The following ASTN2 variants were observed in gnomAD, a reference collection of about 807,000 sequenced individuals.
ASTN2 encodes astrotactin 2.
A neutral mutation model predicts 139.8 loss-of-function variants in ASTN2; 54 were observed. The observed-to-expected ratio is 0.39, with a 90% CI of 0.31 to 0.48. The LOEUF is 0.48. Ranked by LOEUF, ASTN2 falls within the 20% of genes least tolerant of loss-of-function variation. The probability of loss-of-function intolerance (pLI) is 0.95; values close to 1 mark genes in which losing one functional copy is unlikely to be tolerated. For missense variants in ASTN2, 1,565 were observed against 1,725.1 expected (o/e 0.91, Z 1.64); for synonymous variants, 756 against 719.5 (o/e 1.05, Z -0.81).
At chr9:116,436,494 C>G (rs1039840881) in intron 22 of ASTN2, among the ~76,000 whole-genome samples, 1 of 152,168 alleles carries the variant, frequency 6.6e-6, no homozygotes, top group African/African-American at 2.4e-5. Context: ...GTGAATACGA[C>G]ATAAGGGATC....
intron 2 of ASTN2, among the ~76,000 whole-genome samples, chr9:117,278,478 G>A (rs958954190): frequency 3.3e-5 from 5 of 152,180 alleles, no homozygotes; most frequent in Non-Finnish European, 5.9e-5. Flanking sequence ...CACAAAGGAG[G>A]TGAGCAGAGA....
intron 1 of ASTN2, among the ~76,000 whole-genome samples, chr9:117,306,682 A>G (rs369565868): frequency 1.3e-5 from 2 of 152,200 alleles, no homozygotes; most frequent in Admixed American, 1.3e-4. Flanking sequence ...TCCAGTCTAC[A>G]TGATAAACCT....
chr9:117,337,426 A>G (rs1828922136), intron 1 of ASTN2, among the ~76,000 whole-genome samples: 1 of 152,174 alleles, frequency 6.6e-6, no homozygotes, highest in Non-Finnish European at 1.5e-5. Flanking sequence ...ATTCTTTATT[A>G]TCTACCATAT....
intron 7 of ASTN2, among the ~76,000 whole-genome samples, chr9:116,984,359 G>C (rs1473313254): frequency 6.6e-6 from 1 of 152,210 alleles, no homozygotes; most frequent in Non-Finnish European, 1.5e-5. Flanking sequence ...GTTGCCTTCA[G>C]GGTAGAAGTC....
intron 10 of ASTN2, among the ~76,000 whole-genome samples, chr9:116,964,254 TGTGCGC>T (rs774019735): frequency 7.8e-6 from 1 of 128,952 alleles, no homozygotes; most frequent in Non-Finnish European, 1.6e-5. Context: ...TGTGTGTGTG[TGTGCGC>T]GCGCGCGCGT....
At chr9:117,303,678 C>A (rs963825674) in intron 1 of ASTN2, among the ~76,000 whole-genome samples, 1 of 152,212 alleles carries the variant, frequency 6.6e-6, no homozygotes, top group African/African-American at 2.4e-5. Flanking sequence ...TTTTACCAAC[C>A]TAACTCTTAA....
chr9:116,501,111 T>C (rs1437030553), intron 19 of ASTN2, among the ~76,000 whole-genome samples: 1 of 152,148 alleles, frequency 6.6e-6, no homozygotes, highest in Non-Finnish European at 1.5e-5. Context: ...CTATTTGTCT[T>C]TCTTCTTCTC....
intron 13 of ASTN2, among the ~76,000 whole-genome samples, chr9:116,764,252 G>A (rs866919134): frequency 1.1e-4 from 17 of 152,232 alleles, no homozygotes; most frequent in Middle Eastern, 6.8e-3. Context: ...GGACTGCCTC[G>A]GCCTCACCTA....
intron 17 of ASTN2, among the ~76,000 whole-genome samples, chr9:116,634,651 GC>G (rs1856986192): frequency 1.3e-5 from 2 of 148,780 alleles, no homozygotes; most frequent in South Asian, 2.1e-4. Context: ...TGTTAGACAT[GC>G]TTATTTACAG....
intron 3 of ASTN2, among the ~76,000 whole-genome samples, chr9:117,213,658 A>T (rs1412761026): frequency 6.6e-6 from 1 of 152,234 alleles, no homozygotes; most frequent in Non-Finnish European, 1.5e-5. Flanking sequence ...AAGCTGCATC[A>T]ATAGAAGTAT....
At chr9:116,628,791 G>A (rs1287018583) in intron 17 of ASTN2, among the ~76,000 whole-genome samples, 1 of 152,210 alleles carries the variant, frequency 6.6e-6, no homozygotes, top group Non-Finnish European at 1.5e-5. Flanking sequence ...CTCTGGTGGA[G>A]ATGTTAATAG....
At chr9:117,234,776 C>T (rs71507509) in intron 2 of ASTN2, among the ~76,000 whole-genome samples, 102 of 152,192 alleles carry the variant, frequency 6.7e-4, no homozygotes, top group Non-Finnish European at 1.2e-3. Context: ...AGGTCAGGCA[C>T]GATTAGTGGC....
intron 1 of ASTN2, among the ~76,000 whole-genome samples, chr9:117,301,577 C>T (rs1274153614): frequency 1.3e-5 from 2 of 152,140 alleles, no homozygotes; most frequent in Non-Finnish European, 2.9e-5. Flanking sequence ...TCACCACTGT[C>T]CTACATAGGC....
chr9:117,362,463 A>C (rs1829719094), intron 1 of ASTN2, among the ~76,000 whole-genome samples: 1 of 152,132 alleles, frequency 6.6e-6, no homozygotes, highest in African/African-American at 2.4e-5. Context: ...ATCAGTGGGC[A>C]GGTAAGGGAG....
intron 2 of ASTN2, among the ~76,000 whole-genome samples, chr9:117,242,407 A>G (rs547476686): frequency 6.6e-6 from 1 of 152,276 alleles, no homozygotes; most frequent in East Asian, 1.9e-4. Context: ...GATGTACTTA[A>G]TAGAGGAAAG....
intron 5 of ASTN2, among the ~76,000 whole-genome samples, chr9:117,088,644 CA>C (rs1828627817): frequency 6.6e-6 from 1 of 152,168 alleles, no homozygotes; most frequent in African/African-American, 2.4e-5. Flanking sequence ...CAAATTAAAA[CA>C]AGCAACAAAA....
At chr9:117,298,276 T>C (rs1437214756) in intron 1 of ASTN2, among the ~76,000 whole-genome samples, 1 of 152,242 alleles carries the variant, frequency 6.6e-6, no homozygotes, top group African/African-American at 2.4e-5. Context: ...TTATATAACG[T>C]ACCACATATA....
At chr9:116,918,257 T>A (rs187056399) in intron 10 of ASTN2, among the ~76,000 whole-genome samples, 4 of 152,244 alleles carry the variant, frequency 2.6e-5, no homozygotes, top group Non-Finnish European at 5.9e-5. Flanking sequence ...CACCCAGAGC[T>A]AGCAGAGTAG....
chr9:117,165,618 G>C (rs1830653797), intron 3 of ASTN2, among the ~76,000 whole-genome samples: 1 of 152,052 alleles, frequency 6.6e-6, no homozygotes, highest in African/African-American at 2.4e-5. Context: ...CTGAGAGTGA[G>C]GGCCACCTGT....
Sources: gnomAD v4.1 joint callset for allele counts (sites outside exome capture counted in the v4.1 genomes callset) on GRCh38, gnomAD v4.1.1 for gene constraint, MANE v1.5 for transcripts, NCBI Gene and HGNC (gene_info 2026-07-23, HGNC 2026-07-21) for gene names.